Variants in KCNG2 observed in about 807,000 individuals in gnomAD.
KCNG2 encodes the protein potassium voltage-gated channel modifier subfamily G member 2.
A neutral mutation model predicts 12.3 loss-of-function variants in KCNG2; 7 were observed. The observed-to-expected ratio is 0.57, with a 90% confidence interval of 0.32 to 1.07. The LOEUF (loss-of-function observed/expected upper bound fraction) is 1.07, where lower values mean the gene tolerates loss of function less well. KCNG2 is among the 50% of genes least tolerant of loss of function. KCNG2 has a pLI of 0.04. For synonymous variants in KCNG2, 414 were observed against 351.4 expected (o/e 1.18, Z -1.99); for missense variants, 703 against 726.0 (o/e 0.97, Z 0.36).
chr18:79,834,267 G>A (rs867453623), intron 1 of KCNG2, among the ~76,000 whole-genome samples: 1 of 152,222 alleles, frequency 6.6e-6, no homozygotes, highest in Non-Finnish European at 1.5e-5. Flanking sequence ...GTCCTCCGAC[G>A]TGGCAAATGG....
At chr18:79,859,909 A>G (rs1568259158) in intron 2 of KCNG2, among the ~76,000 whole-genome samples, 1 of 152,172 alleles carries the variant, frequency 6.6e-6, no homozygotes, top group Non-Finnish European at 1.5e-5. Flanking sequence ...GTACTAGTCC[A>G]TGTTCGCATT....
rs142986160 is a variant in KCNG2 at position 79,847,798 on chromosome 18, G to A, written c.-114-8581G>A. ...GGAGGCTGGCACCTGGCTTGCTGGC[G>A]GCAGTGGGGCCACGTGTCCCCTGGG... On this transcript the variant is annotated intron_variant, in intron 1 of 3. Transcript: ENST00000316249. 4.2e-3 allele frequency among the ~76,000 whole-genome samples: 639 copies of A among 152,278 alleles called. 5 individuals carry two copies. Among genetic ancestry groups the A allele is most frequent in the African/African-American group, 0.014 (593 of 41,538 alleles).
intron 1 of KCNG2, among the ~76,000 whole-genome samples, chr18:79,828,648 TCTGTGTGTGC>T (rs1424546275): frequency 1.3e-5 from 2 of 151,704 alleles, no homozygotes; most frequent in African/African-American, 2.4e-5. Context: ...TGTGTGTATG[TCTGTGTGTGC>T]CTGTGTGTGC....
chr18:79,853,831 G>A (rs1385237215), intron 1 of KCNG2, among the ~76,000 whole-genome samples: 2 of 152,248 alleles, frequency 1.3e-5, no homozygotes. Flanking sequence ...TCCAGGGCCC[G>A]AGACGGGCGC....
At chr18:79,898,594 G>T (rs1373696737) in intron 3 of KCNG2, among the ~76,000 whole-genome samples, 2 of 152,196 alleles carry the variant, frequency 1.3e-5, no homozygotes, top group African/African-American at 4.8e-5. Flanking sequence ...GTGGGGGTCT[G>T]TGTTCGTGGC....
At chr18:79,846,389 A>AG (rs1243077198) in intron 1 of KCNG2, among the ~76,000 whole-genome samples, 1 of 151,370 alleles carries the variant, frequency 6.6e-6, no homozygotes, top group Non-Finnish European at 1.5e-5. Context: ...AAAAAAAAAA[A>AG]AAAAAAGAGT....
rs1216955503 is a variant in KCNG2, at chr18:79,864,088, G to GGGGCGCA, written c.425_431dup (p.Ser145AlafsTer113). The GGGGCGCA allele has an allele frequency of 9.4e-7, 1 of 1,064,606 alleles. No homozygotes were observed. Among genetic ancestry groups the GGGGCGCA allele is most frequent in the Non-Finnish European group, 1.1e-6 (1 of 881,706 alleles). 65.9% of individuals were successfully genotyped at this position (1,064,606 alleles called of 1,614,324 possible). A position where few individuals can be genotyped will look rare whatever the true frequency, so the allele number is the denominator to read the frequency against. On this transcript the variant is annotated frameshift_variant, in exon 3 of 4. Coordinates refer to ENST00000316249, the MANE Select transcript of KCNG2 (RefSeq NM_012283.2). LOFTEE classifies it high-confidence loss of function. ...GGCCCGCGCGGGGCCGACGGAGCGC[G>GGGGCGCA]GGGCGCAGGGGAGCCCGGCGCGCGC...
At chr18:79,849,182 A>T (rs542540029) in intron 1 of KCNG2, among the ~76,000 whole-genome samples, 7 of 152,228 alleles carry the variant, frequency 4.6e-5, no homozygotes, top group African/African-American at 1.7e-4. Flanking sequence ...CAGACCTCGC[A>T]GCCTGGACCC....
At chr18:79,882,805 ACACCTGCGCGTGGAGCGCGGAGGCCGGG>A in intron 3 of KCNG2, among the ~76,000 whole-genome samples, 1 of 148,652 alleles carries the variant, frequency 6.7e-6, no homozygotes, top group East Asian at 2.0e-4. Flanking sequence ...GAGGCCGGGT[ACACCTGCGCGTGGAGCGCGGAGGCCGGG>A]TACACCTGCG....
chr18:79,866,124 GTGTTCTGA>G (rs1979522534), intron 3 of KCNG2, among the ~76,000 whole-genome samples: 7 of 149,388 alleles, frequency 4.7e-5, no homozygotes, highest in African/African-American at 1.5e-4. Flanking sequence ...TGAGAGGTCT[GTGTTCTGA>G]GGTCTGGGTG....
intron 3 of KCNG2, among the ~76,000 whole-genome samples, chr18:79,867,041 G>T (rs1479300946): frequency 1.3e-5 from 2 of 150,104 alleles, no homozygotes; most frequent in Admixed American, 6.6e-5. Flanking sequence ...GGGTGCCGAG[G>T]TCTGGGTGCT....
intron 1 of KCNG2, among the ~76,000 whole-genome samples, chr18:79,831,678 T>G (rs2849773): frequency 0.069 from 503 of 7,336 alleles, 52 homozygotes; most frequent in African/African-American, 0.11. Context: ...TCAGGAGGGT[T>G]CCCTGCGGAC....
chr18:79,875,668 A>T (rs1452838098), intron 3 of KCNG2, among the ~76,000 whole-genome samples: 2 of 152,186 alleles, frequency 1.3e-5, no homozygotes, highest in Non-Finnish European at 2.9e-5. Flanking sequence ...GGTTGGGGAC[A>T]GCGGTCCTGA....
chr18:79,822,351 C>T lies in KCNG2; in HGVS notation c.-115+24337C>T, dbSNP rs569107759. Among the ~76,000 whole-genome samples, 2 of 152,274 alleles carry T rather than the reference C, an allele frequency of 1.3e-5. No individual in the cohort carries two copies. The highest frequency in any genetic ancestry group is 4.8e-5 in the African/African-American group (2 of 41,560). ...TTCATACTAGAGCCACGGTTCTGTC[C>T]AGGGCCCCTCACCATCGTTCCCATC... On this transcript the variant is annotated intron_variant, in intron 1 of 3. Transcript: ENST00000316249. The surrounding 1 kb of genome is among the most constrained non-coding windows in gnomAD (Gnocchi z 4.4).
At chr18:79,885,454 G>A (rs993339969) in intron 3 of KCNG2, among the ~76,000 whole-genome samples, 6 of 152,136 alleles carry the variant, frequency 3.9e-5, no homozygotes, top group Admixed American at 2.6e-4. Context: ...TTCTAACCAC[G>A]GGCAGACCCG....
rs1404508880 is a variant in KCNG2, at chr18:79,864,201, C to A, written c.534C>A (p.Leu178=). ...CGCACTCGGGGCTGGCGGGCAAGCT[C>A]TTCGCCTGCGTGTCCGTGTCCTTCG... ...DNPHSGLAGK[L]FACVSVSFVA... is the part of the protein sequence containing the mutation. The change falls in exon 3 of 4, where the codon CTC becomes CTA. Residue 178 remains leucine (L), a synonymous_variant. Transcript: ENST00000316249. The A allele has an allele frequency of 1.9e-5, 30 of 1,538,746 alleles. No homozygotes were observed. The highest frequency in any genetic ancestry group is 2.5e-5 in the Non-Finnish European group (29 of 1,147,288).
chr18:79,867,946 A>G (rs1347578763), intron 3 of KCNG2, among the ~76,000 whole-genome samples: 2 of 152,100 alleles, frequency 1.3e-5, no homozygotes, highest in South Asian at 2.1e-4. Flanking sequence ...CCGAGTGCCA[A>G]TCTGACTTAA....
rs147891409 is a variant in KCNG2, at chr18:79,850,155, A to C, written c.-114-6224A>C. Reference sequence around the variant, plus strand: ...ACATAAACTTCACCCAGACAGCCGAAGCCCCTCCCTCTGTCTAATCACATG... The same window carrying C: ...ACATAAACTTCACCCAGACAGCCGACGCCCCTCCCTCTGTCTAATCACATG... On this transcript the variant is annotated intron_variant, in intron 1 of 3. Coordinates refer to ENST00000316249, the MANE Select transcript of KCNG2 (RefSeq NM_012283.2). 2.0e-4 allele frequency among the ~76,000 whole-genome samples: 31 copies of C among 152,362 alleles called. 1 individual carries two copies. The East Asian group carries it at 5.8e-3, about 28-fold the overall frequency.
chr18:79,821,993 T>C (rs1244860783), intron 1 of KCNG2, among the ~76,000 whole-genome samples: 1 of 152,212 alleles, frequency 6.6e-6, no homozygotes, highest in African/African-American at 2.4e-5. Flanking sequence ...ATTCTAGAAG[T>C]GGGCTGAGTG....
Sources: gnomAD v4.1 joint callset for allele counts (sites outside exome capture counted in the v4.1 genomes callset) on GRCh38, gnomAD v4.1.1 for gene constraint, Gnocchi (gnomAD v3.1) non-coding constraint, MANE v1.5 for transcripts, NCBI Gene and HGNC (gene_info 2026-07-23, HGNC 2026-07-21) for gene names.